Variants in RPS6KC1 observed in about 807,000 individuals in gnomAD.
RPS6KC1 encodes the protein ribosomal protein S6 kinase C1, also known as inactive ribosomal protein S6 kinase delta-1.
A neutral mutation model predicts 103.8 loss-of-function variants in RPS6KC1; 54 were observed. The ratio of observed to expected loss-of-function variants is 0.52; its 90% CI spans 0.42 to 0.65. The LOEUF (loss-of-function observed/expected upper bound fraction) is 0.65. RPS6KC1 is among the 30% of genes least tolerant of loss of function. The probability of loss-of-function intolerance (pLI) is 0.00; values close to 1 mark genes in which losing one functional copy is unlikely to be tolerated. For synonymous variants in RPS6KC1, 439 were observed against 438.7 expected (o/e 1.00, Z -0.01); for missense variants, 1,151 against 1,253.8 (o/e 0.92, Z 1.24).
chr1:213,214,146 A>G (rs570093020), intron 8 of RPS6KC1, among the ~76,000 whole-genome samples: 1 of 152,370 alleles, frequency 6.6e-6, no homozygotes, highest in East Asian at 1.9e-4. Context: ...GAGATGACAG[A>G]TGGCACCTGG....
At chr1:213,705,369 A>T in the RPS6KC1 span, among the ~76,000 whole-genome samples, 1 of 152,192 alleles carries the variant, frequency 6.6e-6, no homozygotes, top group South Asian at 2.1e-4. Flanking sequence ...TCCCCTTTCC[A>T]AAGGCAGAGG....
chr1:213,212,460 C>T (rs1011441907), intron 8 of RPS6KC1, among the ~76,000 whole-genome samples: 8 of 152,160 alleles, frequency 5.3e-5, no homozygotes, highest in African/African-American at 1.9e-4. Flanking sequence ...ATCTGGATGA[C>T]CCCAGTTTAC....
At chr1:213,403,884 AG>A in the RPS6KC1 span, among the ~76,000 whole-genome samples, 1 of 151,802 alleles carries the variant, frequency 6.6e-6, no homozygotes, top group South Asian at 2.1e-4. Context: ...ACTGAACTGG[AG>A]GAGGGAGCTC....
downstream of RPS6KC1, among the ~76,000 whole-genome samples, chr1:213,275,166 C>G (rs934428482): frequency 1.3e-5 from 2 of 152,198 alleles, no homozygotes; most frequent in Non-Finnish European, 2.9e-5. Flanking sequence ...GAATAATATT[C>G]CATCATATGT....
At chr1:213,548,427 C>T in the RPS6KC1 span, among the ~76,000 whole-genome samples, 2 of 152,150 alleles carry the variant, frequency 1.3e-5, no homozygotes, top group Non-Finnish European at 2.9e-5. Context: ...CTTTGGGAGG[C>T]GAAGGCAGGC....
the RPS6KC1 span, among the ~76,000 whole-genome samples, chr1:213,649,815 G>A: frequency 6.6e-6 from 1 of 152,192 alleles, no homozygotes; most frequent in African/African-American, 2.4e-5. Context: ...GGGAGCAAAT[G>A]AAGCTTGTAC....
At chr1:213,637,467 G>T in the RPS6KC1 span, among the ~76,000 whole-genome samples, 4 of 152,066 alleles carry the variant, frequency 2.6e-5, no homozygotes, top group Non-Finnish European at 5.9e-5. Flanking sequence ...CCTAATGTTG[G>T]TGACGAGTTG....
chr1:213,583,338 A>G, the RPS6KC1 span, among the ~76,000 whole-genome samples: 1 of 152,228 alleles, frequency 6.6e-6, no homozygotes, highest in Admixed American at 6.5e-5. Flanking sequence ...CTGTCAAACT[A>G]CTTCTCAAAG....
At chr1:213,696,376 C>T in the RPS6KC1 span, among the ~76,000 whole-genome samples, 2 of 152,034 alleles carry the variant, frequency 1.3e-5, no homozygotes, top group African/African-American at 2.4e-5. Flanking sequence ...GTGGCACGTG[C>T]CTGTAATCCC....
the RPS6KC1 span, among the ~76,000 whole-genome samples, chr1:213,411,574 C>A: frequency 6.6e-6 from 1 of 152,092 alleles, no homozygotes; most frequent in Non-Finnish European, 1.5e-5. Flanking sequence ...AGATGGGTAC[C>A]CCTGGGCATC....
In RPS6KC1 at chr1:213,051,286, C is replaced by A; in HGVS notation, c.-119C>A. 6 of 708,288 alleles carry A rather than the reference C, an allele frequency of 8.5e-6. No individual in the cohort carries two copies. Among genetic ancestry groups the A allele is most frequent in the Middle Eastern group, 3.9e-4 (1 of 2,534 alleles). 43.9% of individuals were successfully genotyped at this position (708,288 alleles called of 1,614,324 possible). On this transcript the variant is annotated 5_prime_UTR_variant, in exon 1 of 15. Transcript: ENST00000366960. Reference sequence around the variant, plus strand: ...CAGCTGAGGCGCCGCCGTGGAGCCGCCTTGGAGCCACCGCCCCCTCGCCGC... The same window carrying A: ...CAGCTGAGGCGCCGCCGTGGAGCCGACTTGGAGCCACCGCCCCCTCGCCGC...
At chr1:213,807,662 A>T in the RPS6KC1 span, among the ~76,000 whole-genome samples, 1 of 151,688 alleles carries the variant, frequency 6.6e-6, no homozygotes, top group African/African-American at 2.4e-5. Context: ...TGTATTGGTT[A>T]TTCTAGTTAT....
At chr1:213,102,826 A>G (rs993688217) in intron 3 of RPS6KC1, among the ~76,000 whole-genome samples, 2 of 152,160 alleles carry the variant, frequency 1.3e-5, no homozygotes, top group African/African-American at 4.8e-5. Flanking sequence ...ATATATATGC[A>G]TGGAATTCTG....
chr1:213,251,862 T>A (rs142423087), intron 12 of RPS6KC1, among the ~76,000 whole-genome samples: 1 of 152,298 alleles, frequency 6.6e-6, no homozygotes, highest in East Asian at 1.9e-4. Context: ...ATAAAAGACA[T>A]AATTGGTATA....
chr1:213,079,105 G>C (rs2079625692), intron 3 of RPS6KC1, among the ~76,000 whole-genome samples: 1 of 151,304 alleles, frequency 6.6e-6, no homozygotes, highest in Non-Finnish European at 1.5e-5. Flanking sequence ...AGTATATTAT[G>C]ATTGTCTTTT....
intron 12 of RPS6KC1, among the ~76,000 whole-genome samples, chr1:213,247,360 A>G (rs1225051769): frequency 1.3e-5 from 2 of 152,162 alleles, no homozygotes; most frequent in Admixed American, 6.5e-5. Flanking sequence ...TTTATTGACT[A>G]CCTTTCTTTG....
At position 213,051,284 on chromosome 1, in the gene RPS6KC1, C is replaced by A; in HGVS notation, c.-121C>A. 3.0e-6 allele frequency: 2 copies of A among 674,438 alleles called. No homozygotes were observed. The highest frequency in any genetic ancestry group is 5.1e-6 in the Non-Finnish European group (2 of 392,742). The allele number at this position is 674,438 out of a possible 1,614,324, so 41.8% of individuals were successfully genotyped here. ...TGCAGCTGAGGCGCCGCCGTGGAGC[C>A]GCCTTGGAGCCACCGCCCCCTCGCC... On this transcript the variant is annotated 5_prime_UTR_variant, in exon 1 of 15. Coordinates refer to ENST00000366960, the MANE Select transcript of RPS6KC1 (RefSeq NM_012424.6).
At chr1:213,836,878 G>C in the RPS6KC1 span, among the ~76,000 whole-genome samples, 1 of 152,258 alleles carries the variant, frequency 6.6e-6, no homozygotes, top group Middle Eastern at 3.4e-3. Flanking sequence ...GGTGATTTCA[G>C]TCACCAACCC....
At chr1:213,152,371 C>CG (rs926410119) in intron 6 of RPS6KC1, among the ~76,000 whole-genome samples, 17 of 142,468 alleles carry the variant, frequency 1.2e-4, no homozygotes, top group Admixed American at 2.2e-4. Flanking sequence ...GCTGATGGGG[C>CG]GGGGGGCTGA....
Sources: allele counts gnomAD v4.1 joint callset (sites outside exome capture counted in the v4.1 genomes callset), GRCh38; gene constraint gnomAD v4.1.1; transcripts MANE v1.5; gene names NCBI Gene and HGNC (gene_info 2026-07-23, HGNC 2026-07-21).